The following CHAT variants were observed in gnomAD, a reference collection of about 807,000 sequenced individuals.
CHAT encodes choline O-acetyltransferase.
A neutral mutation model predicts 76.9 loss-of-function variants in CHAT; 61 were observed. The observed-to-expected ratio is 0.79, with a 90% CI of 0.65 to 0.98. CHAT has a LOEUF of 0.98. Among genes scored for constraint, CHAT ranks in the 50% least tolerant of loss-of-function variants. The probability of loss-of-function intolerance (pLI) is 0.00; values close to 1 mark genes in which losing one functional copy is unlikely to be tolerated. For synonymous variants in CHAT, 407 were observed against 397.4 expected (o/e 1.02, Z -0.29); for missense variants, 946 against 986.9 (o/e 0.96, Z 0.56).
rs60626181 is a variant in CHAT, at chr10:49,649,303, G to A, written c.1383-205G>A. On this transcript the variant is annotated intron_variant, in intron 9 of 14. Transcript: ENST00000337653. ...TTGGAGTCAGGCGGAACTGGATGGAGCCCTGGCCCTGCCACTTAATGATTT... is the reference window on the plus strand; with the variant it reads ...TTGGAGTCAGGCGGAACTGGATGGAACCCTGGCCCTGCCACTTAATGATTT... Among the ~76,000 whole-genome samples the A allele has an allele frequency of 0.026, 3,889 of 152,318 alleles. 176 individuals carry two copies. Among genetic ancestry groups the A allele is most frequent in the African/African-American group, 0.088 (3,648 of 41,558 alleles).
At chr10:49,625,759 C>A (rs1838898760) in intron 6 of CHAT, 106 bp downstream of exon 6, 3 of 1,217,682 alleles carry the variant, frequency 2.5e-6, no homozygotes, top group African/African-American at 3.0e-5. Context: ...CCCTGAGTCA[C>A]ACAGGGAGCT....
chr10:49,667,461 A>G lies in CHAT; in HGVS notation c.*2415A>G, dbSNP rs1046511741. Among the ~76,000 whole-genome samples the G allele has an allele frequency of 6.6e-6, 1 of 152,252 alleles. No homozygotes were observed. Among genetic ancestry groups the G allele is most frequent in the Non-Finnish European group, 1.5e-5 (1 of 68,044 alleles). The stretch of plus-strand genomic sequence containing the variant: ...ACTATGCACTGTGAGGGCTATGAGA[A>G]GCGCAAACAGTAAACGCTTGGCAGG... On this transcript the variant is annotated 3_prime_UTR_variant, in exon 15 of 15. Transcript: ENST00000337653.
intron 11 of CHAT, among the ~76,000 whole-genome samples, chr10:49,652,925 C>A (rs1009674505): frequency 6.6e-6 from 1 of 152,136 alleles, no homozygotes; most frequent in African/African-American, 2.4e-5. Flanking sequence ...TTTCCCCACC[C>A]CCTTATCTAA....
chr10:49,664,661 A>G (rs1840296957), intron 14 of CHAT, 116 bp from the exon 15 acceptor site: 4 of 1,231,868 alleles, frequency 3.2e-6, no homozygotes, highest in Non-Finnish European at 2.4e-6. Context: ...TAAAGCAATC[A>G]CTTGATTTGG....
intron 2 of CHAT, among the ~76,000 whole-genome samples, chr10:49,617,374 C>T (rs1313947032): frequency 1.3e-5 from 2 of 152,200 alleles, no homozygotes; most frequent in Non-Finnish European, 2.9e-5. Flanking sequence ...TCTGTTTCTC[C>T]ATCGTCTCTG....
At chr10:49,653,304 G>T (rs1839937089) in intron 11 of CHAT, among the ~76,000 whole-genome samples, 1 of 152,146 alleles carries the variant, frequency 6.6e-6, no homozygotes, top group Admixed American at 6.6e-5. Context: ...CCTTACAGGA[G>T]GCGAAGAAAC....
chr10:49,614,151 C>T lies in CHAT; in HGVS notation c.-39C>T. The T allele has an allele frequency of 2.6e-6, 4 of 1,542,484 alleles. No homozygotes were observed. Among genetic ancestry groups the T allele is most frequent in the African/African-American group, 1.4e-5 (1 of 71,546 alleles). ...AAGCGCTCCGGGTAGATTCTGGGGG[C>T]CGGGAGCTGAGATCCCTGGGCGGGG... On this transcript the variant is annotated 5_prime_UTR_variant, in exon 1 of 15. Transcript: ENST00000337653.
intron 7 of CHAT, among the ~76,000 whole-genome samples, chr10:49,628,665 C>T (rs1438010961): frequency 1.3e-5 from 2 of 152,220 alleles, no homozygotes. Context: ...AAACGTGCTC[C>T]AGGACTTCAG....
rs1839998157 is a variant in CHAT, at chr10:49,655,240, A to T, written c.1776+4A>T. ...TGACCACAAGGCTGCTGTGCCAGTA[A>T]GTCCCGCCCCACCCCACGGCCACAG... On this transcript the variant is annotated splice_donor_region_variant and intron_variant, in intron 12 of 14. Transcript: ENST00000337653. 1 of 1,613,914 alleles carries T rather than the reference A, an allele frequency of 6.2e-7. No homozygotes were observed. Among genetic ancestry groups the T allele is most frequent in the South Asian group, 1.1e-5 (1 of 91,088 alleles).
In CHAT at chr10:49,651,913, A is replaced by G. The variant is rs144918120; in HGVS notation, c.1541A>G (p.Tyr514Cys). 6.2e-6 allele frequency: 10 copies of G among 1,613,970 alleles called. No homozygotes were observed. In the African/African-American group the frequency reaches 9.3e-5, roughly 15 times the overall value. The change falls in exon 11 of 15, where the codon TAT (tyrosine) becomes TGT (cysteine). Residue 514 changes from tyrosine (Y) to cysteine (C), a missense_variant. Tyr to Cys is a radical substitution (Grantham distance 194). Around this residue, in one of 3 missense-constraint regions of CHAT, gnomAD observed 349 missense variants for 393.9 expected, o/e 0.89. Coordinates refer to ENST00000337653, the MANE Select transcript of CHAT (RefSeq NM_020549.5). ...GTAAAGAACCTTGACTTCATTGTCT[A>G]TAAGTTTGACAACTATGGGAAAACA... The part of the protein sequence containing the change: ...RIVKNLDFIV[Y>C]KFDNYGKTFI...
intron 7 of CHAT, among the ~76,000 whole-genome samples, chr10:49,638,786 T>A (rs1163529697): frequency 6.6e-6 from 1 of 152,230 alleles, no homozygotes; most frequent in East Asian, 1.9e-4. Context: ...CAGGCAATTT[T>A]ATGATTTTTG....
chr10:49,646,702 G>T, intron 8 of CHAT, 28 bp downstream of exon 8: 1 of 1,610,788 alleles, frequency 6.2e-7, no homozygotes, highest in Non-Finnish European at 8.5e-7. Flanking sequence ...CCCTGCAAGA[G>T]CACAGCCATG....
At chr10:49,612,415 T>G, upstream of CHAT, 2 of 1,437,762 alleles carry the variant, frequency 1.4e-6, no homozygotes, top group Non-Finnish European at 1.9e-6. Flanking sequence ...TGGCCAGCTC[T>G]GGCTCAGGGC....
chr10:49,662,521 G>A, intron 13 of CHAT, 124 bp from the exon 14 acceptor site: 2 of 1,248,710 alleles, frequency 1.6e-6, no homozygotes, highest in East Asian at 2.3e-5. Context: ...TTGGCAGCAG[G>A]CACTGGGTAA....
chr10:49,614,615 C>T, intron 1 of CHAT, 140 bp downstream of exon 1: 1 of 761,806 alleles, frequency 1.3e-6, no homozygotes, highest in Non-Finnish European at 2.1e-6. Context: ...GCAGCAGCGG[C>T]CGTCGGGGGT....
upstream of CHAT, chr10:49,611,845 G>GGCC: frequency 6.2e-7 from 1 of 1,604,780 alleles, no homozygotes; most frequent in Non-Finnish European, 8.5e-7. Context: ...TGTGATCGGC[G>GGCC]CCAGCTCGTG....
chr10:49,640,554 A>G (rs1309454811), intron 7 of CHAT, among the ~76,000 whole-genome samples: 1 of 151,950 alleles, frequency 6.6e-6, no homozygotes, highest in East Asian at 1.9e-4. Flanking sequence ...CTGTGTGGGG[A>G]AAAGGACGGA....
chr10:49,625,232 T>C (rs1838873784), intron 5 of CHAT, among the ~76,000 whole-genome samples: 1 of 152,190 alleles, frequency 6.6e-6, no homozygotes. Flanking sequence ...TGGCAGGCTT[T>C]GCACATGCCG....
intron 7 of CHAT, among the ~76,000 whole-genome samples, chr10:49,644,645 G>T (rs1216222530): frequency 6.6e-6 from 1 of 152,084 alleles, no homozygotes; most frequent in Admixed American, 6.5e-5. Context: ...ATGTCCCAAG[G>T]CTAGGCTGGC....
Sources: allele counts gnomAD v4.1 joint callset (sites outside exome capture counted in the v4.1 genomes callset), GRCh38; gene constraint gnomAD v4.1.1; regional missense constraint gnomAD v4.1.1; transcripts MANE v1.5; gene names NCBI Gene and HGNC (gene_info 2026-07-23, HGNC 2026-07-21).